Variants in TENM1 observed in about 807,000 individuals in gnomAD.
TENM1 encodes the protein teneurin-1.
A neutral mutation model predicts 174.8 loss-of-function variants in TENM1; 35 were observed. The ratio of observed to expected loss-of-function variants is 0.20; its 90% CI spans 0.15 to 0.27. The LOEUF (loss-of-function observed/expected upper bound fraction) is 0.27, where lower values mean the gene tolerates loss of function less well. Among genes scored for constraint, TENM1 ranks in the 10% least tolerant of loss-of-function variants. The probability of loss-of-function intolerance (pLI) is 1.00; values close to 1 mark genes in which losing one functional copy is unlikely to be tolerated. For synonymous variants in TENM1, 781 were observed against 798.7 expected (o/e 0.98, Z 0.37); for missense variants, 1,633 against 2,130.1 (o/e 0.77, Z 4.59).
the TENM1 span, among the ~76,000 whole-genome samples, chrX:125,087,063 C>T: frequency 9.0e-6 from 1 of 110,771 alleles, no homozygotes; most frequent in Non-Finnish European, 1.9e-5. Flanking sequence ...TGCTGACAGA[C>T]CTTAAGAGAG....
At chrX:124,798,024 T>G (rs1250306856) in intron 3 of TENM1, among the ~76,000 whole-genome samples, 1 of 111,608 alleles carries the variant, frequency 9.0e-6, no homozygotes. Flanking sequence ...AAGGACATGA[T>G]CTCATTCCTT....
intron 5 of TENM1, among the ~76,000 whole-genome samples, chrX:124,693,088 A>G (rs922135438): frequency 2.8e-5 from 3 of 108,672 alleles, no homozygotes; most frequent in Non-Finnish European, 5.7e-5. Flanking sequence ...TGTTGTCAAG[A>G]TGTCTAATTT....
intron 31 of TENM1, 68 bp from the exon 35 acceptor site, chrX:124,381,362 G>A: frequency 2.0e-6 from 2 of 1,020,165 alleles, no homozygotes; most frequent in Non-Finnish European, 2.6e-6. Context: ...TGGTGATTGT[G>A]GAAAGGACAG....
At chrX:125,093,492 A>C in the TENM1 span, among the ~76,000 whole-genome samples, 1 of 112,423 alleles carries the variant, frequency 8.9e-6, no homozygotes, top group African/African-American at 3.2e-5. Context: ...GCTTTAAAAT[A>C]GCAAAGAGAG....
chrX:124,511,458 G>C (rs892467763), intron 18 of TENM1, among the ~76,000 whole-genome samples: 3 of 111,221 alleles, frequency 2.7e-5, no homozygotes, highest in Admixed American at 9.6e-5. Flanking sequence ...AAGGTGGGTT[G>C]GTTACTTTAG....
At chrX:125,048,497 T>G in the TENM1 span, among the ~76,000 whole-genome samples, 1 of 110,832 alleles carries the variant, frequency 9.0e-6, no homozygotes, top group East Asian at 2.9e-4. Flanking sequence ...ACTAACAGAA[T>G]CTGAATAGAA....
intron 3 of TENM1, among the ~76,000 whole-genome samples, chrX:124,799,274 T>A (rs1352252558): frequency 7.2e-5 from 8 of 111,673 alleles, no homozygotes; most frequent in Non-Finnish European, 1.5e-4. Flanking sequence ...ATCTCTAAAT[T>A]ACTTTGGGCA....
At chrX:124,839,487 AT>A (rs944156681) in intron 3 of TENM1, among the ~76,000 whole-genome samples, 10 of 111,546 alleles carry the variant, frequency 9.0e-5, no homozygotes, top group African/African-American at 3.3e-4. Context: ...CTGTTCTTGT[AT>A]GTTTAAAATG....
At chrX:124,452,892 A>G (rs903843576) in intron 23 of TENM1, among the ~76,000 whole-genome samples, 6 of 106,714 alleles carry the variant, frequency 5.6e-5, no homozygotes. Context: ...GGATAACTTT[A>G]GGAGATATAC....
At chrX:125,111,245 T>C in the TENM1 span, among the ~76,000 whole-genome samples, 5 of 111,231 alleles carry the variant, frequency 4.5e-5, no homozygotes, top group East Asian at 2.8e-4. Context: ...TTTTTGAATA[T>C]GGATTCAGTA....
At chrX:124,662,284 C>A (rs761988459) in intron 6 of TENM1, among the ~76,000 whole-genome samples, 1 of 109,114 alleles carries the variant, frequency 9.2e-6, no homozygotes, top group Admixed American at 9.9e-5. Context: ...GAAACCCTGT[C>A]TCTACTAAAG....
At chrX:124,697,406 G>A (rs747258925) in intron 5 of TENM1, among the ~76,000 whole-genome samples, 9 of 111,002 alleles carry the variant, frequency 8.1e-5, no homozygotes, top group Non-Finnish European at 1.5e-4. Flanking sequence ...TTGCCTGTAT[G>A]GAGGATGCAA....
chrX:125,038,742 T>A, the TENM1 span, among the ~76,000 whole-genome samples: 1 of 111,344 alleles, frequency 9.0e-6, no homozygotes, highest in African/African-American at 3.3e-5. Flanking sequence ...ACAACTATAA[T>A]TGACCTAGAC....
chrX:124,775,935 C>T (rs1342006697), intron 3 of TENM1, among the ~76,000 whole-genome samples: 1 of 111,630 alleles, frequency 9.0e-6, no homozygotes, highest in Non-Finnish European at 1.9e-5. Context: ...ATTGTGTATG[C>T]AAGAATTTTG....
At chrX:124,488,933 A>G (rs971155305) in intron 20 of TENM1, among the ~76,000 whole-genome samples, 15 of 112,764 alleles carry the variant, frequency 1.3e-4, no homozygotes, top group African/African-American at 4.5e-4. Flanking sequence ...CAATAATGTC[A>G]CTGTGAATTT....
At chrX:124,517,376 G>T (rs111602991) in intron 18 of TENM1, among the ~76,000 whole-genome samples, 11 of 109,035 alleles carry the variant, frequency 1.0e-4, no homozygotes, top group African/African-American at 3.7e-4. Context: ...TGTTTATCGC[G>T]GCACTATTCA....
At chrX:125,097,981 C>T in the TENM1 span, among the ~76,000 whole-genome samples, 1 of 110,019 alleles carries the variant, frequency 9.1e-6, no homozygotes, top group Non-Finnish European at 1.9e-5. Context: ...AAGAAAGTGT[C>T]GGCCGGGCGC....
At chrX:125,112,135 TGTGTG>T in the TENM1 span, among the ~76,000 whole-genome samples, 1 of 2,630 alleles carries the variant, frequency 3.8e-4, no homozygotes, top group African/African-American at 2.5e-3. Context: ...TTAATGAAAT[TGTGTG>T]TGTGTGTGTG....
intron 3 of TENM1, among the ~76,000 whole-genome samples, chrX:124,893,461 T>G (rs1167403837): frequency 8.9e-6 from 1 of 112,589 alleles, no homozygotes; most frequent in South Asian, 3.7e-4. Context: ...TTTGGAAATT[T>G]TGAAATGCTA....
Sources: allele counts gnomAD v4.1 joint callset (sites outside exome capture counted in the v4.1 genomes callset), GRCh38; gene constraint gnomAD v4.1.1; transcripts MANE v1.5; gene names NCBI Gene and HGNC (gene_info 2026-07-23, HGNC 2026-07-21).